The following FTO variants were observed in gnomAD, a reference collection of about 807,000 sequenced individuals.
FTO encodes alpha-ketoglutarate-dependent dioxygenase FTO.
FTO carries 47 observed loss-of-function variants against 63.9 expected under a neutral mutation model. The observed-to-expected ratio is 0.74, with a 90% confidence interval of 0.58 to 0.94. The LOEUF (loss-of-function observed/expected upper bound fraction) is 0.94. Ranked by LOEUF, FTO falls within the 40% of genes least tolerant of loss-of-function variation. The pLI is 0.00. For missense variants in FTO, 562 were observed against 618.1 expected, an observed-to-expected ratio of 0.91 and a Z score of 0.96; for synonymous variants, 207 against 224.4, an observed-to-expected ratio of 0.92 and a Z score of 0.69.
chr16:53,713,796 C>G (rs1321429587), intron 1 of FTO, among the ~76,000 whole-genome samples: 1 of 152,148 alleles, frequency 6.6e-6, no homozygotes, highest in Admixed American at 6.5e-5. Context: ...GTATTGTAAA[C>G]TGTAGGTACA....
At chr16:53,896,566 A>G (rs2081283808) in intron 7 of FTO, among the ~76,000 whole-genome samples, 1 of 152,190 alleles carries the variant, frequency 6.6e-6, no homozygotes, top group Non-Finnish European at 1.5e-5. Flanking sequence ...AAGTTGGTTA[A>G]TGAATAATCA....
chr16:53,997,931 G>C (rs2083981243), intron 8 of FTO, among the ~76,000 whole-genome samples: 1 of 152,114 alleles, frequency 6.6e-6, no homozygotes, highest in African/African-American at 2.4e-5. Context: ...ATTAAATAGT[G>C]TTCATTATTG....
At chr16:53,988,238 A>G (rs1235197607) in intron 8 of FTO, among the ~76,000 whole-genome samples, 2 of 152,226 alleles carry the variant, frequency 1.3e-5, no homozygotes, top group African/African-American at 4.8e-5. Flanking sequence ...ATATTTTCAT[A>G]TAATTCTTCC....
At chr16:53,943,402 A>G (rs1435325887) in intron 8 of FTO, among the ~76,000 whole-genome samples, 1 of 152,226 alleles carries the variant, frequency 6.6e-6, no homozygotes, top group South Asian at 2.1e-4. Context: ...TGTTTCTGGC[A>G]GGTTTCTGAC....
At chr16:53,718,386 A>T (rs765419264) in intron 1 of FTO, among the ~76,000 whole-genome samples, 16 of 152,158 alleles carry the variant, frequency 1.1e-4, no homozygotes, top group Non-Finnish European at 2.2e-4. Context: ...TACAGAATGC[A>T]TTCTTATCAT....
rs543601485 is a variant in FTO at position 53,944,435 on chromosome 16, G to A, written c.1364+10326G>A. On this transcript the variant is annotated intron_variant, in intron 8 of 8. Transcript: ENST00000471389. ...GTCTCAAAGCATGAGTGAGAAATAGGAGAGAAATTTATACGTGAGGATAGG... is the reference window on the plus strand; with the variant it reads ...GTCTCAAAGCATGAGTGAGAAATAGAAGAGAAATTTATACGTGAGGATAGG... 7.2e-5 allele frequency among the ~76,000 whole-genome samples: 11 copies of A among 152,338 alleles called. No homozygotes were observed. In the East Asian group the frequency reaches 2.1e-3, roughly 29 times the overall value.
chr16:54,100,042 AAG>A (rs1809796419), intron 8 of FTO, among the ~76,000 whole-genome samples: 1 of 152,198 alleles, frequency 6.6e-6, no homozygotes, highest in Non-Finnish European at 1.5e-5. Flanking sequence ...GCCTGATCTT[AAG>A]AGTCACCTAT....
At chr16:54,076,857 A>G (rs1294386022) in intron 8 of FTO, among the ~76,000 whole-genome samples, 3 of 152,184 alleles carry the variant, frequency 2.0e-5, no homozygotes, top group African/African-American at 7.2e-5. Context: ...AGGATTTTGA[A>G]TTAAATATTG....
At chr16:53,978,814 T>A (rs1402488866) in intron 8 of FTO, among the ~76,000 whole-genome samples, 1 of 152,172 alleles carries the variant, frequency 6.6e-6, no homozygotes, top group Non-Finnish European at 1.5e-5. Context: ...CTGGCCAACA[T>A]GGTGAAACCC....
chr16:53,903,978 A>G (rs1382336807), intron 7 of FTO, among the ~76,000 whole-genome samples: 2 of 151,862 alleles, frequency 1.3e-5, no homozygotes, highest in Non-Finnish European at 2.9e-5. Context: ...ACATATATAA[A>G]TGTGTATATT....
intron 1 of FTO, among the ~76,000 whole-genome samples, chr16:53,785,708 A>G (rs749437960): frequency 6.6e-6 from 1 of 151,920 alleles, no homozygotes; most frequent in Non-Finnish European, 1.5e-5. Flanking sequence ...TCAAGAGATC[A>G]AGACCATCCT....
At chr16:53,935,039 C>G (rs192186370) in intron 8 of FTO, among the ~76,000 whole-genome samples, 10 of 152,240 alleles carry the variant, frequency 6.6e-5, no homozygotes, top group Admixed American at 2.6e-4. Flanking sequence ...TGGTCCTATT[C>G]TGTTTTGAAA....
chr16:53,942,311 G>A (rs569611964), intron 8 of FTO, among the ~76,000 whole-genome samples: 3 of 152,264 alleles, frequency 2.0e-5, no homozygotes, highest in African/African-American at 7.2e-5. Flanking sequence ...GAGCAAAGAG[G>A]GATGCCATGT....
intron 4 of FTO, among the ~76,000 whole-genome samples, chr16:53,852,625 T>G (rs1039583611): frequency 6.6e-6 from 1 of 152,096 alleles, no homozygotes; most frequent in Non-Finnish European, 1.5e-5. Context: ...TGAGATAGAG[T>G]GATGGAATTA....
intron 8 of FTO, among the ~76,000 whole-genome samples, chr16:54,010,477 C>A (rs1048622918): frequency 1.3e-5 from 2 of 152,080 alleles, no homozygotes; most frequent in East Asian, 1.9e-4. Flanking sequence ...ATTAGTAAAT[C>A]TTCAATAAAA....
intron 8 of FTO, among the ~76,000 whole-genome samples, chr16:53,972,296 A>G (rs751441944): frequency 2.6e-5 from 4 of 152,084 alleles, no homozygotes; most frequent in Non-Finnish European, 5.9e-5. Flanking sequence ...AAAGTATGAT[A>G]TTGGACAAGT....
intron 8 of FTO, among the ~76,000 whole-genome samples, chr16:54,046,874 T>A (rs1243759876): frequency 4.9e-5 from 1 of 20,544 alleles, no homozygotes; most frequent in Non-Finnish European, 8.7e-5. Flanking sequence ...GATTCCCTAT[T>A]TAATAAATGG....
At chr16:53,914,198 T>C (rs979146677) in intron 7 of FTO, among the ~76,000 whole-genome samples, 1 of 152,040 alleles carries the variant, frequency 6.6e-6, no homozygotes, top group African/African-American at 2.4e-5. Flanking sequence ...AGCATTTCTG[T>C]TTCTTTTAAA....
intron 8 of FTO, among the ~76,000 whole-genome samples, chr16:54,078,324 T>C (rs2086050136): frequency 6.8e-6 from 1 of 146,798 alleles, no homozygotes; most frequent in Non-Finnish European, 1.5e-5. Context: ...TAAATATATA[T>C]ATTATTTAGT....
Sources: gnomAD v4.1 joint callset for allele counts (sites outside exome capture counted in the v4.1 genomes callset) on GRCh38, gnomAD v4.1.1 for gene constraint, MANE v1.5 for transcripts, NCBI Gene and HGNC (gene_info 2026-07-23, HGNC 2026-07-21) for gene names.